DLG2: variants seen among roughly 807,000 people sequenced by gnomAD.
The protein encoded by DLG2 is disks large homolog 2.
DLG2 carries 45 observed loss-of-function variants against 132.5 expected under a neutral mutation model. That is an observed-to-expected ratio of 0.34 (90% CI 0.27 to 0.44). DLG2 has a LOEUF of 0.44. Among genes scored for constraint, DLG2 ranks in the 20% least tolerant of loss-of-function variants. The pLI is 1.00. For synonymous variants in DLG2, 424 were observed against 419.6 expected (o/e 1.01, Z -0.13); for missense variants, 1,045 against 1,196.9 (o/e 0.87, Z 1.87).
intron 7 of DLG2, among the ~76,000 whole-genome samples, chr11:84,352,820 T>C (rs916308811): frequency 1.8e-4 from 27 of 152,160 alleles, no homozygotes; most frequent in African/African-American, 6.3e-4. Context: ...CTTGTAAAAA[T>C]GAATGGCAGA....
At chr11:83,516,536 T>A (rs1280710066) in intron 21 of DLG2, among the ~76,000 whole-genome samples, 1 of 152,226 alleles carries the variant, frequency 6.6e-6, no homozygotes, top group Non-Finnish European at 1.5e-5. Flanking sequence ...TTAAGGTTAG[T>A]ATTGTTATGT....
At chr11:84,049,039 G>A (rs1453412263) in intron 11 of DLG2, among the ~76,000 whole-genome samples, 7 of 151,460 alleles carry the variant, frequency 4.6e-5, no homozygotes, top group Non-Finnish European at 8.9e-5. Context: ...CTAATGTCAG[G>A]AAATTTTCAG....
intron 3 of DLG2, among the ~76,000 whole-genome samples, chr11:85,376,957 A>G (rs948533013): frequency 6.6e-6 from 1 of 152,182 alleles, no homozygotes; most frequent in East Asian, 1.9e-4. Flanking sequence ...GCGCCTTACT[A>G]TATGTCAGGC....
At chr11:83,948,013 C>A (rs981726307) in intron 14 of DLG2, among the ~76,000 whole-genome samples, 1 of 152,160 alleles carries the variant, frequency 6.6e-6, no homozygotes, top group African/African-American at 2.4e-5. Flanking sequence ...TACTAGATAG[C>A]TGTGACAGTT....
intron 6 of DLG2, among the ~76,000 whole-genome samples, chr11:84,921,592 A>G (rs2092758559): frequency 1.3e-5 from 2 of 152,192 alleles, no homozygotes; most frequent in Admixed American, 1.3e-4. Flanking sequence ...GGAACTTTGG[A>G]CTTAAGTTTT....
chr11:85,030,604 A>G (rs758561715), intron 6 of DLG2, among the ~76,000 whole-genome samples: 9 of 152,194 alleles, frequency 5.9e-5, no homozygotes, highest in Admixed American at 6.5e-5. Context: ...CATAGGAAGA[A>G]AGTTCCCTTT....
chr11:84,136,855 A>C (rs1444398054), intron 9 of DLG2, among the ~76,000 whole-genome samples: 2 of 152,146 alleles, frequency 1.3e-5, no homozygotes, highest in Non-Finnish European at 2.9e-5. Context: ...GATCTATTGC[A>C]CTTACTCTAC....
chr11:83,571,833 T>G (rs1007913366), intron 19 of DLG2, among the ~76,000 whole-genome samples: 4 of 152,156 alleles, frequency 2.6e-5, no homozygotes. Flanking sequence ...CATTGTCTGA[T>G]GTGTTGATCT....
intron 4 of DLG2, among the ~76,000 whole-genome samples, chr11:85,161,144 C>T (rs933694705): frequency 5.3e-5 from 8 of 152,136 alleles, no homozygotes; most frequent in African/African-American, 1.4e-4. Context: ...ATATTTGTAT[C>T]GCATGGGATT....
intron 3 of DLG2, among the ~76,000 whole-genome samples, chr11:85,575,539 CAAA>C (rs771079911): frequency 6.7e-5 from 6 of 89,708 alleles, no homozygotes; most frequent in Admixed American, 1.3e-4. Context: ...GATCCTATCT[CAAA>C]AAAAAAAAAA....
chr11:84,638,049 GT>G (rs2099643740), intron 6 of DLG2, among the ~76,000 whole-genome samples: 1 of 152,178 alleles, frequency 6.6e-6, no homozygotes, highest in Non-Finnish European at 1.5e-5. Context: ...GTGTTTGCTT[GT>G]TTGGCTGATT....
chr11:83,836,426 A>G (rs992760301), intron 16 of DLG2, among the ~76,000 whole-genome samples: 1 of 152,046 alleles, frequency 6.6e-6, no homozygotes, highest in Non-Finnish European at 1.5e-5. Flanking sequence ...CCTATAGGCC[A>G]TCCACATTCC....
intron 6 of DLG2, among the ~76,000 whole-genome samples, chr11:84,852,580 A>G (rs539782448): frequency 6.6e-6 from 1 of 152,062 alleles, no homozygotes; most frequent in East Asian, 1.9e-4. Flanking sequence ...CTGATCTTTG[A>G]TGATCTCAGA....
At chr11:84,782,438 C>CCACACACACA (rs10599798) in intron 6 of DLG2, among the ~76,000 whole-genome samples, 143 of 148,044 alleles carry the variant, frequency 9.7e-4, no homozygotes, top group African/African-American at 3.4e-3. Context: ...ACTACCCCTA[C>CCACACACACA]CACACACACA....
At chr11:83,905,264 A>G (rs1248770732) in intron 15 of DLG2, among the ~76,000 whole-genome samples, 5 of 152,132 alleles carry the variant, frequency 3.3e-5, no homozygotes, top group South Asian at 2.1e-4. Flanking sequence ...GTGGTTTGGA[A>G]GAAATAAGGG....
At chr11:84,761,909 A>T (rs1358891210) in intron 6 of DLG2, among the ~76,000 whole-genome samples, 1 of 152,094 alleles carries the variant, frequency 6.6e-6, no homozygotes, top group Non-Finnish European at 1.5e-5. Flanking sequence ...AATAATACAG[A>T]TGGTCACTTA....
intron 3 of DLG2, among the ~76,000 whole-genome samples, chr11:85,504,686 G>C (rs561214999): frequency 6.6e-6 from 1 of 152,236 alleles, no homozygotes; most frequent in South Asian, 2.1e-4. Context: ...GGATTGTCTT[G>C]GCAATGCAGG....
Position 84,279,140 on chromosome 11 carries a change from TCA to T in DLG2, c.520-27851_520-27850del, listed in dbSNP as rs2097823072. 2.6e-5 allele frequency among the ~76,000 whole-genome samples: 4 copies of T among 151,810 alleles called. No individual in the cohort carries two copies. The South Asian group carries it at 8.3e-4, about 31-fold the overall frequency. The stretch of plus-strand genomic sequence containing the variant: ...TACAAGAAAAAAACAAACAACCCCA[TCA>T]AAAAGTGGGTGAAGGGTATGAACAT... On this transcript the variant is annotated intron_variant, in intron 7 of 27. Coordinates refer to ENST00000376104, the MANE Select transcript of DLG2 (RefSeq NM_001142699.3).
intron 15 of DLG2, among the ~76,000 whole-genome samples, chr11:83,914,239 T>C (rs181260968): frequency 3.7e-4 from 56 of 152,234 alleles, no homozygotes; most frequent in Admixed American, 3.6e-3. Flanking sequence ...CTGCAAGATC[T>C]GGCTGTAAAA....
Sources: gnomAD v4.1 joint callset for allele counts (sites outside exome capture counted in the v4.1 genomes callset) on GRCh38, gnomAD v4.1.1 for gene constraint, MANE v1.5 for transcripts, NCBI Gene and HGNC (gene_info 2026-07-23, HGNC 2026-07-21) for gene names.